PCDHA13: variants seen among roughly 807,000 people sequenced by gnomAD.
PCDHA13 encodes the protein protocadherin alpha 13, also known as protocadherin alpha-13.
A neutral mutation model predicts 64.8 loss-of-function variants in PCDHA13; 54 were observed. The observed-to-expected ratio is 0.83, with a 90% CI of 0.67 to 1.04. The LOEUF (loss-of-function observed/expected upper bound fraction) is 1.04. Ranked by LOEUF, PCDHA13 falls within the 50% of genes least tolerant of loss-of-function variation. The pLI, the probability that PCDHA13 is intolerant of heterozygous loss-of-function variation, is 0.00. For missense variants in PCDHA13, 1,248 were observed against 1,254.3 expected, an observed-to-expected ratio of 0.99 and a Z score of 0.08; for synonymous variants, 587 against 564.4, an observed-to-expected ratio of 1.04 and a Z score of -0.57.
intron 1 of PCDHA13, among the ~76,000 whole-genome samples, chr5:140,965,456 G>A (rs2095902676): frequency 6.6e-6 from 1 of 151,710 alleles, no homozygotes; most frequent in Admixed American, 6.6e-5. Context: ...GTTATTGTAA[G>A]ATAAATCCCA....
intron 1 of PCDHA13, among the ~76,000 whole-genome samples, chr5:140,934,564 A>T (rs2089922231): frequency 6.6e-6 from 1 of 152,076 alleles, no homozygotes; most frequent in African/African-American, 2.4e-5. Flanking sequence ...TCTTTTTTTT[A>T]ATTAATTGTA....
chr5:140,900,780 C>T (rs1554189418), intron 1 of PCDHA13, among the ~76,000 whole-genome samples: 1 of 152,192 alleles, frequency 6.6e-6, no homozygotes, highest in Admixed American at 6.5e-5. Flanking sequence ...TTTGAGGAAA[C>T]TCCAAACTGT....
intron 1 of PCDHA13, among the ~76,000 whole-genome samples, chr5:140,903,228 C>T (rs1417505177): frequency 1.3e-5 from 2 of 152,112 alleles, no homozygotes; most frequent in Non-Finnish European, 2.9e-5. Flanking sequence ...ACATCTATTA[C>T]TTTTTGATTT....
chr5:140,922,176 C>CA (rs3836750), intron 1 of PCDHA13, among the ~76,000 whole-genome samples: 11 of 150,702 alleles, frequency 7.3e-5, no homozygotes, highest in East Asian at 5.8e-4. Flanking sequence ...GTACAGCAGA[C>CA]AAAAAAAAAG....
At chr5:140,978,048 C>T (rs2096787371) in intron 1 of PCDHA13, among the ~76,000 whole-genome samples, 1 of 152,146 alleles carries the variant, frequency 6.6e-6, no homozygotes, top group African/African-American at 2.4e-5. Flanking sequence ...GTGATGGTGA[C>T]TGATGATGTC....
At chr5:140,968,835 A>C in intron 1 of PCDHA13, 2 of 1,614,194 alleles carry the variant, frequency 1.2e-6, no homozygotes, top group Non-Finnish European at 1.7e-6. Flanking sequence ...ATCCTCCCTG[A>C]CACTCAGAGG....
chr5:140,941,202 C>CCTTCCTTTCTTTCTTTCTTTCTTT (rs1554213920), intron 1 of PCDHA13, among the ~76,000 whole-genome samples: 8 of 122,742 alleles, frequency 6.5e-5, no homozygotes, highest in Non-Finnish European at 1.1e-4. Flanking sequence ...TTTCTTTCTT[C>CCTTCCTTTCTTTCTTTCTTTCTTT]CTTTCTTTCT....
At chr5:141,002,203 G>T (rs2153973237) in intron 3 of PCDHA13, among the ~76,000 whole-genome samples, 1 of 152,296 alleles carries the variant, frequency 6.6e-6, no homozygotes, top group East Asian at 1.9e-4. Flanking sequence ...ATAGTCCCCG[G>T]CTTTAATCAA....
intron 1 of PCDHA13, chr5:140,928,403 G>A (rs1554205862): frequency 6.2e-7 from 1 of 1,613,964 alleles, no homozygotes; most frequent in Non-Finnish European, 8.5e-7. Context: ...GAATCATCCA[G>A]TGGGGCCATC....
intron 1 of PCDHA13, among the ~76,000 whole-genome samples, chr5:140,953,733 TG>T (rs1449457533): frequency 2.6e-5 from 4 of 152,200 alleles, no homozygotes; most frequent in Admixed American, 6.5e-5. Context: ...TTGAAATTTT[TG>T]CTTAACATTA....
chr5:140,934,515 C>A (rs1163045974), intron 1 of PCDHA13, among the ~76,000 whole-genome samples: 1 of 152,214 alleles, frequency 6.6e-6, no homozygotes, highest in Admixed American at 6.5e-5. Context: ...GGTCCATAGA[C>A]CACACTTCGA....
At chr5:140,928,576 A>G in intron 1 of PCDHA13, 1 of 1,614,160 alleles carries the variant, frequency 6.2e-7, no homozygotes, top group South Asian at 1.1e-5. Flanking sequence ...CTTGCCCAGA[A>G]ATGGTTCTGT....
intron 1 of PCDHA13, among the ~76,000 whole-genome samples, chr5:140,901,976 T>C (rs1470395593): frequency 6.6e-6 from 1 of 152,164 alleles, no homozygotes; most frequent in African/African-American, 2.4e-5. Context: ...ATGGGATTAC[T>C]TTTTAATTTC....
chr5:141,008,641 T>G (rs569373015), intron 3 of PCDHA13, among the ~76,000 whole-genome samples: 1 of 152,344 alleles, frequency 6.6e-6, no homozygotes, highest in Admixed American at 6.5e-5. Context: ...TAACAATTTC[T>G]TCTTCTGGAG....
At chr5:140,964,262 A>C (rs1327933465) in intron 1 of PCDHA13, among the ~76,000 whole-genome samples, 1 of 152,206 alleles carries the variant, frequency 6.6e-6, no homozygotes, top group Non-Finnish European at 1.5e-5. Context: ...TTGACTCCTT[A>C]ATAATTAAGG....
rs141106500 is a variant in PCDHA13, at chr5:140,883,112, A to T, written c.844A>T (p.Arg282Ter). The change falls in exon 1 of 4, where the codon AGA becomes TGA. Residue 282 changes from arginine (R) to a stop codon, truncating the protein, a stop_gained. Transcript: ENST00000289272. LOFTEE classifies it high-confidence loss of function. ...AAATGGAGATATAGTTTACTCATTTAGAAGGCCTGTATGGCCTGCAGTGGT... is the reference window on the plus strand; with the variant it reads ...AAATGGAGATATAGTTTACTCATTTTGAAGGCCTGTATGGCCTGCAGTGGT... ...GTNGDIVYSF[R>*]RPVWPAVVYA... The T allele has an allele frequency of 1.9e-6, 3 of 1,614,156 alleles. No individual in the cohort carries two copies. Among genetic ancestry groups the T allele is most frequent in the Non-Finnish European group, 2.5e-6 (3 of 1,180,026 alleles).
Position 140,883,404 on chromosome 5 carries a change from C to G in PCDHA13, c.1136C>G (p.Ser379Cys), listed in dbSNP as rs199942713. Residue 379 changes from serine to cysteine, a missense_variant, in exon 1 of 4, where the codon TCT (serine) becomes TGT (cysteine). Ser to Cys is a moderately radical substitution (Grantham distance 112). Transcript: ENST00000289272. ...IALISVSDRD[S>C]GSNGQVTCTL... ...CTAATCAGTGTGTCCGATCGTGACT[C>G]TGGCTCAAATGGACAGGTCACCTGC... 3 of 1,614,104 alleles carry G rather than the reference C, an allele frequency of 1.9e-6. No homozygotes were observed. The African/African-American group carries it at 4.0e-5, about 22-fold the overall frequency.
At chr5:140,973,984 C>CT (rs2096610197) in intron 1 of PCDHA13, among the ~76,000 whole-genome samples, 1 of 152,186 alleles carries the variant, frequency 6.6e-6, no homozygotes, top group East Asian at 1.9e-4. Flanking sequence ...TTTTACAGAA[C>CT]TTCACCTGGA....
intron 1 of PCDHA13, among the ~76,000 whole-genome samples, chr5:140,973,418 T>G (rs1235123458): frequency 6.6e-6 from 1 of 152,212 alleles, no homozygotes; most frequent in East Asian, 1.9e-4. Flanking sequence ...CCACTCCAGT[T>G]TTTCATCCTC....
Sources: gnomAD v4.1 joint callset for allele counts (sites outside exome capture counted in the v4.1 genomes callset) on GRCh38, gnomAD v4.1.1 for gene constraint, MANE v1.5 for transcripts, NCBI Gene and HGNC (gene_info 2026-07-23, HGNC 2026-07-21) for gene names.